ZFAND3: variants seen among roughly 807,000 people sequenced by gnomAD.
ZFAND3 encodes zinc finger AN1-type containing 3, also known as AN1-type zinc finger protein 3.
In ZFAND3, 10 loss-of-function variants were observed where a neutral mutation model predicts 29.6. The ratio of observed to expected loss-of-function variants is 0.34; its 90% CI spans 0.21 to 0.57. The LOEUF (loss-of-function observed/expected upper bound fraction) is 0.57. Ranked by LOEUF, ZFAND3 falls within the 20% of genes least tolerant of loss-of-function variation. The probability of loss-of-function intolerance (pLI) is 0.86; values close to 1 mark genes in which losing one functional copy is unlikely to be tolerated. For synonymous variants in ZFAND3, 128 were observed against 112.6 expected, an observed-to-expected ratio of 1.14 and a Z score of -0.87; for missense variants, 230 against 304.5, an observed-to-expected ratio of 0.76 and a Z score of 1.82.
At chr6:37,822,642 G>C (rs1373223502) in intron 1 of ZFAND3, among the ~76,000 whole-genome samples, 2 of 152,212 alleles carry the variant, frequency 1.3e-5, no homozygotes, top group African/African-American at 4.8e-5. Context: ...TTGTACAGGT[G>C]CTCTAGGGGA....
At chr6:38,129,981 G>C (rs2127490904) in intron 5 of ZFAND3, among the ~76,000 whole-genome samples, 1 of 152,016 alleles carries the variant, frequency 6.6e-6, no homozygotes, top group East Asian at 1.9e-4. Flanking sequence ...TGTTTATGTT[G>C]TCTATGATTT....
chr6:38,132,592 T>G (rs1765763548), intron 5 of ZFAND3, among the ~76,000 whole-genome samples: 1 of 152,160 alleles, frequency 6.6e-6, no homozygotes, highest in Non-Finnish European at 1.5e-5. Flanking sequence ...CCTAACAAAC[T>G]TGCGATTCCT....
At chr6:38,064,468 A>G (rs1370989926) in intron 3 of ZFAND3, among the ~76,000 whole-genome samples, 2 of 152,242 alleles carry the variant, frequency 1.3e-5, no homozygotes, top group African/African-American at 2.4e-5. Context: ...TACCAGAACC[A>G]GGATTCAAAT....
chr6:37,980,140 T>A (rs762930498), intron 2 of ZFAND3, among the ~76,000 whole-genome samples: 4 of 146,624 alleles, frequency 2.7e-5, no homozygotes, highest in African/African-American at 1.0e-4. Flanking sequence ...CTCCTTTGTT[T>A]CCCATCTCTC....
At chr6:38,122,327 A>G (rs1765551254) in intron 5 of ZFAND3, among the ~76,000 whole-genome samples, 1 of 152,252 alleles carries the variant, frequency 6.6e-6, no homozygotes, top group Admixed American at 6.5e-5. Flanking sequence ...AAATTGTTAC[A>G]TGCTGTGTTG....
chr6:37,845,292 G>A (rs1424300332), intron 1 of ZFAND3, among the ~76,000 whole-genome samples: 1 of 152,036 alleles, frequency 6.6e-6, no homozygotes, highest in Non-Finnish European at 1.5e-5. Flanking sequence ...ATTTTTAGGT[G>A]TTATAATGTG....
intron 5 of ZFAND3, among the ~76,000 whole-genome samples, chr6:38,131,561 C>T (rs1349571469): frequency 6.6e-6 from 1 of 152,224 alleles, no homozygotes; most frequent in Non-Finnish European, 1.5e-5. Context: ...GTAGTACCCA[C>T]ATCAATGAGG....
intron 2 of ZFAND3, among the ~76,000 whole-genome samples, chr6:38,058,118 G>A (rs1561983581): frequency 2.0e-5 from 3 of 152,194 alleles, no homozygotes; most frequent in African/African-American, 7.2e-5. Context: ...GCTGGAGAGT[G>A]TGTGGGTGGG....
At chr6:37,969,301 T>C (rs1365279939) in intron 2 of ZFAND3, among the ~76,000 whole-genome samples, 1 of 152,204 alleles carries the variant, frequency 6.6e-6, no homozygotes, top group Non-Finnish European at 1.5e-5. Context: ...CAAATACAGA[T>C]GCTTCTTGAT....
chr6:37,978,506 CTGT>C (rs1762527132), intron 2 of ZFAND3, among the ~76,000 whole-genome samples: 1 of 152,040 alleles, frequency 6.6e-6, no homozygotes, highest in South Asian at 2.1e-4. Context: ...TTTAGAGTTG[CTGT>C]TGTTTCTTCT....
intron 1 of ZFAND3, among the ~76,000 whole-genome samples, chr6:37,852,325 A>G (rs1451368987): frequency 1.3e-5 from 2 of 152,186 alleles, no homozygotes; most frequent in Non-Finnish European, 2.9e-5. Context: ...GGCCAAGGAT[A>G]CTGCTAAACA....
intron 2 of ZFAND3, among the ~76,000 whole-genome samples, chr6:38,057,659 C>A (rs1307063780): frequency 6.6e-6 from 1 of 152,162 alleles, no homozygotes; most frequent in East Asian, 1.9e-4. Context: ...GGATTTGAAT[C>A]CACGTCGTCA....
chr6:38,044,143 T>C (rs1763851477), intron 2 of ZFAND3, among the ~76,000 whole-genome samples: 1 of 152,168 alleles, frequency 6.6e-6, no homozygotes, highest in Non-Finnish European at 1.5e-5. Context: ...TCCAAAGTCT[T>C]TAATCTGTTC....
intron 2 of ZFAND3, among the ~76,000 whole-genome samples, chr6:37,945,576 T>C (rs1761887045): frequency 6.6e-6 from 1 of 152,168 alleles, no homozygotes; most frequent in Non-Finnish European, 1.5e-5. Context: ...GGTTTTGCCA[T>C]GTTGGCTAGT....
chr6:37,946,421 T>A (rs1008109865), intron 2 of ZFAND3, among the ~76,000 whole-genome samples: 4 of 152,204 alleles, frequency 2.6e-5, no homozygotes, highest in African/African-American at 7.2e-5. Flanking sequence ...TAGGCCTTTG[T>A]CGCACAGCTC....
intron 5 of ZFAND3, among the ~76,000 whole-genome samples, chr6:38,134,808 C>G (rs1216532146): frequency 6.6e-6 from 1 of 152,206 alleles, no homozygotes; most frequent in African/African-American, 2.4e-5. Context: ...ATTTTGCTGT[C>G]TTGTTGCCAG....
intron 2 of ZFAND3, among the ~76,000 whole-genome samples, chr6:37,982,197 A>G (rs2127432716): frequency 6.7e-6 from 1 of 149,694 alleles, no homozygotes; most frequent in African/African-American, 2.4e-5. Context: ...ATGGTGAGGG[A>G]GGTATGTAGC....
At chr6:37,967,955 G>GT (rs1248545505) in intron 2 of ZFAND3, among the ~76,000 whole-genome samples, 1 of 152,070 alleles carries the variant, frequency 6.6e-6, no homozygotes, top group Non-Finnish European at 1.5e-5. Context: ...TTGTTTTGGT[G>GT]TTTTTGCTGC....
intron 2 of ZFAND3, among the ~76,000 whole-genome samples, chr6:37,962,526 A>C (rs988319886): frequency 6.6e-6 from 1 of 152,190 alleles, no homozygotes; most frequent in African/African-American, 2.4e-5. Flanking sequence ...TCTGGTGGGG[A>C]CTTGGAGAAC....
Sources: allele counts gnomAD v4.1 joint callset (sites outside exome capture counted in the v4.1 genomes callset), GRCh38; gene constraint gnomAD v4.1.1; transcripts MANE v1.5; gene names NCBI Gene and HGNC (gene_info 2026-07-23, HGNC 2026-07-21).